Variants in RGS6 observed in about 807,000 individuals in gnomAD.
RGS6 encodes the protein regulator of G-protein signaling 6.
A neutral mutation model predicts 78.5 loss-of-function variants in RGS6; 30 were observed. The observed-to-expected ratio is 0.38, with a 90% CI of 0.29 to 0.52. The LOEUF is 0.52. RGS6 is among the 20% of genes least tolerant of loss of function. RGS6 has a pLI of 0.85. For synonymous variants in RGS6, 206 were observed against 206.0 expected, an observed-to-expected ratio of 1.00 and a Z score of 0.00; for missense variants, 495 against 609.7, an observed-to-expected ratio of 0.81 and a Z score of 1.98.
the RGS6 span, among the ~76,000 whole-genome samples, chr14:72,609,228 G>A: frequency 2.0e-5 from 3 of 152,260 alleles, no homozygotes; most frequent in Non-Finnish European, 4.4e-5. Flanking sequence ...AAAGAAGAAG[G>A]CTGCTCGATC....
intron 2 of RGS6, among the ~76,000 whole-genome samples, chr14:72,177,584 A>G (rs534271989): frequency 6.6e-4 from 101 of 152,340 alleles, no homozygotes; most frequent in African/African-American, 2.4e-3. Flanking sequence ...GGTAGATTTA[A>G]GTAATGGAAA....
chr14:72,217,294 T>C (rs1040174990), intron 2 of RGS6, among the ~76,000 whole-genome samples: 1 of 152,140 alleles, frequency 6.6e-6, no homozygotes, highest in Non-Finnish European at 1.5e-5. Context: ...GAAAGTAGAA[T>C]GGGAGGATGG....
the RGS6 span, chr14:72,594,719 G>C: frequency 6.6e-6 from 1 of 152,182 alleles, no homozygotes; most frequent in Admixed American, 6.5e-5. Context: ...AACCTCAGTT[G>C]TGTTGAATTA....
chr14:72,071,596 G>A (rs946825061), intron 2 of RGS6, among the ~76,000 whole-genome samples: 2 of 152,128 alleles, frequency 1.3e-5, no homozygotes, highest in Non-Finnish European at 2.9e-5. Flanking sequence ...TGCCTATTAG[G>A]TGGGTGGACT....
chr14:71,983,738 T>C (rs1384345626), intron 2 of RGS6, among the ~76,000 whole-genome samples: 1 of 152,194 alleles, frequency 6.6e-6, no homozygotes, highest in Non-Finnish European at 1.5e-5. Context: ...TACCCCCAAT[T>C]GATTGTGACC....
chr14:72,143,950 A>T (rs1241491053), intron 2 of RGS6, among the ~76,000 whole-genome samples: 4 of 152,174 alleles, frequency 2.6e-5, no homozygotes, highest in Non-Finnish European at 5.9e-5. Flanking sequence ...CAGTCACAGG[A>T]CTTGTAGGGA....
At chr14:72,461,422 G>C (rs1442750819) in intron 6 of RGS6, among the ~76,000 whole-genome samples, 1 of 152,132 alleles carries the variant, frequency 6.6e-6, no homozygotes, top group Non-Finnish European at 1.5e-5. Flanking sequence ...TCATGAACAG[G>C]GAGAGAAATA....
chr14:72,414,880 C>A (rs58213251), intron 3 of RGS6, among the ~76,000 whole-genome samples: 2 of 152,118 alleles, frequency 1.3e-5, no homozygotes, highest in African/African-American at 4.8e-5. Flanking sequence ...ATTGGTGAAC[C>A]GCAAGTGCTG....
chr14:72,143,174 C>T (rs2096563282), intron 2 of RGS6, among the ~76,000 whole-genome samples: 1 of 151,976 alleles, frequency 6.6e-6, no homozygotes, highest in African/African-American at 2.4e-5. Flanking sequence ...TTGAGACCAG[C>T]CTGACCAACA....
intron 2 of RGS6, among the ~76,000 whole-genome samples, chr14:72,110,388 G>A (rs1233822366): frequency 6.6e-6 from 1 of 152,108 alleles, no homozygotes. Flanking sequence ...CATCACTGTG[G>A]GCACCATGGT....
chr14:72,344,875 G>A (rs1035447701), intron 2 of RGS6, among the ~76,000 whole-genome samples: 1 of 152,172 alleles, frequency 6.6e-6, no homozygotes, highest in Non-Finnish European at 1.5e-5. Flanking sequence ...ACAGATCAGA[G>A]AGGCTTCAGG....
intron 2 of RGS6, among the ~76,000 whole-genome samples, chr14:72,109,527 G>A (rs547280846): frequency 6.6e-6 from 1 of 152,248 alleles, no homozygotes; most frequent in African/African-American, 2.4e-5. Context: ...CTTAATTATG[G>A]GAAGTAATGA....
chr14:72,059,893 A>T (rs2093807075), intron 2 of RGS6, among the ~76,000 whole-genome samples: 1 of 152,112 alleles, frequency 6.6e-6, no homozygotes, highest in Non-Finnish European at 1.5e-5. Context: ...AGGCTTGAGA[A>T]CTGTGTTGTT....
At chr14:72,326,807 A>C (rs897061209) in intron 2 of RGS6, among the ~76,000 whole-genome samples, 1 of 152,136 alleles carries the variant, frequency 6.6e-6, no homozygotes, top group Non-Finnish European at 1.5e-5. Context: ...TCCCGGGCTC[A>C]CGCCATTGTC....
At chr14:72,438,445 C>G (rs1352480742) in intron 3 of RGS6, among the ~76,000 whole-genome samples, 1 of 152,204 alleles carries the variant, frequency 6.6e-6, no homozygotes. Flanking sequence ...ACTCAGATGG[C>G]TCCTACAGAC....
downstream of RGS6, among the ~76,000 whole-genome samples, chr14:72,569,868 G>T (rs992697174): frequency 6.6e-6 from 1 of 152,220 alleles, no homozygotes; most frequent in African/African-American, 2.4e-5. Context: ...AGAGCAGAGA[G>T]AGTTGGAGGA....
chr14:72,629,803 C>T, the RGS6 span: 1 of 1,264,652 alleles, frequency 7.9e-7, no homozygotes, highest in African/African-American at 1.5e-5. Flanking sequence ...ACACCACTCA[C>T]TGGAAACACA....
At chr14:72,226,181 G>A (rs1232374478) in intron 2 of RGS6, among the ~76,000 whole-genome samples, 2 of 152,228 alleles carry the variant, frequency 1.3e-5, no homozygotes, top group East Asian at 3.9e-4. Context: ...CTCAGTCTCT[G>A]AAATTTCAAA....
the RGS6 span, among the ~76,000 whole-genome samples, chr14:71,904,595 A>G: frequency 2.6e-5 from 4 of 152,240 alleles, no homozygotes; most frequent in African/African-American, 9.6e-5. Flanking sequence ...CATGGAGACC[A>G]GCTCTACTGC....
Sources: allele counts gnomAD v4.1 joint callset (sites outside exome capture counted in the v4.1 genomes callset), GRCh38; gene constraint gnomAD v4.1.1; transcripts MANE v1.5; gene names NCBI Gene and HGNC (gene_info 2026-07-23, HGNC 2026-07-21).